The following PRKG1 variants were observed in gnomAD, a reference collection of about 807,000 sequenced individuals.
PRKG1 encodes the protein cGMP-dependent protein kinase 1.
In PRKG1, 35 loss-of-function variants were observed where a neutral mutation model predicts 88.1. The observed-to-expected ratio is 0.40, with a 90% CI of 0.30 to 0.53. The LOEUF is 0.53. PRKG1 is among the 20% of genes least tolerant of loss of function. PRKG1 has a pLI of 0.59. For synonymous variants in PRKG1, 303 were observed against 292.5 expected (o/e 1.04, Z -0.37); for missense variants, 540 against 839.8 (o/e 0.64, Z 4.41).
intron 2 of PRKG1, among the ~76,000 whole-genome samples, chr10:51,291,789 A>G (rs889313958): frequency 1.3e-5 from 2 of 152,122 alleles, no homozygotes; most frequent in African/African-American, 4.8e-5. Flanking sequence ...AAATGTTCAG[A>G]TGTGTTTAGA....
At chr10:52,013,783 G>A (rs993010804) in intron 5 of PRKG1, among the ~76,000 whole-genome samples, 2 of 152,196 alleles carry the variant, frequency 1.3e-5, no homozygotes, top group Non-Finnish European at 2.9e-5. Flanking sequence ...ATGTTAGTAA[G>A]ATAGCTATGG....
intron 6 of PRKG1, 29 bp from the exon 7 acceptor site, chr10:52,062,508 A>T (rs773120898): frequency 9.0e-6 from 13 of 1,447,202 alleles, no homozygotes; most frequent in Non-Finnish European, 8.5e-6. Context: ...TAAGCAGTGG[A>T]TCTAAACTTT....
At chr10:52,101,733 A>G (rs1245926962) in intron 7 of PRKG1, among the ~76,000 whole-genome samples, 1 of 152,226 alleles carries the variant, frequency 6.6e-6, no homozygotes, top group Non-Finnish European at 1.5e-5. Context: ...CCTAGCCAGT[A>G]GCTTCCAGAG....
intron 6 of PRKG1, among the ~76,000 whole-genome samples, chr10:52,056,264 T>C (rs1018115761): frequency 9.9e-5 from 15 of 152,200 alleles, no homozygotes; most frequent in African/African-American, 3.1e-4. Flanking sequence ...TCAGGGAAAA[T>C]TGAAAATCGC....
intron 10 of PRKG1, among the ~76,000 whole-genome samples, chr10:52,262,270 T>C (rs1841451195): frequency 6.6e-6 from 1 of 151,928 alleles, no homozygotes; most frequent in Non-Finnish European, 1.5e-5. Flanking sequence ...GTTTTTTTTG[T>C]TTGTTTGTTC....
intron 1 of PRKG1, among the ~76,000 whole-genome samples, chr10:51,137,131 T>C (rs1467234639): frequency 1.3e-5 from 2 of 152,070 alleles, no homozygotes; most frequent in Non-Finnish European, 2.9e-5. Flanking sequence ...CTGATCCGCC[T>C]GCCTCGGCCT....
chr10:51,683,631 G>A (rs1378642897), intron 3 of PRKG1, among the ~76,000 whole-genome samples: 1 of 152,110 alleles, frequency 6.6e-6, no homozygotes, highest in Non-Finnish European at 1.5e-5. Flanking sequence ...TGATGTTGAG[G>A]GCATGATCTG....
chr10:52,056,471 T>C (rs1846112534), intron 6 of PRKG1, among the ~76,000 whole-genome samples: 1 of 152,168 alleles, frequency 6.6e-6, no homozygotes, highest in South Asian at 2.1e-4. Flanking sequence ...TTGTAACCAG[T>C]TTCAGCTGAA....
intron 3 of PRKG1, among the ~76,000 whole-genome samples, chr10:51,628,871 A>G (rs1057212910): frequency 5.3e-5 from 8 of 151,072 alleles, no homozygotes; most frequent in Non-Finnish European, 7.4e-5. Flanking sequence ...AGGCAGGAGA[A>G]TGGCGTGAAC....
chr10:52,204,537 A>C (rs1839765091), intron 9 of PRKG1, among the ~76,000 whole-genome samples: 1 of 152,250 alleles, frequency 6.6e-6, no homozygotes, highest in Middle Eastern at 3.4e-3. Flanking sequence ...CCCCAAATTA[A>C]TACTTTTATA....
At chr10:51,153,557 GA>G (rs1013617344) in intron 2 of PRKG1, among the ~76,000 whole-genome samples, 2 of 151,882 alleles carry the variant, frequency 1.3e-5, no homozygotes, top group African/African-American at 4.8e-5. Context: ...TTCAGACATG[GA>G]AAAGTTAAAA....
intron 5 of PRKG1, among the ~76,000 whole-genome samples, chr10:52,008,950 A>G (rs1401301056): frequency 6.6e-6 from 1 of 152,178 alleles, no homozygotes; most frequent in Non-Finnish European, 1.5e-5. Flanking sequence ...CAATAAATGT[A>G]GAAAAGGCTT....
At chr10:52,125,586 C>A (rs1847912902) in intron 7 of PRKG1, 1 of 152,108 alleles carries the variant, frequency 6.6e-6, no homozygotes, top group Non-Finnish European at 1.5e-5. Flanking sequence ...AATTGGAACA[C>A]GTTTCTGTTT....
intron 2 of PRKG1, among the ~76,000 whole-genome samples, chr10:51,231,319 C>A (rs1838838441): frequency 6.6e-6 from 1 of 152,106 alleles, no homozygotes; most frequent in Non-Finnish European, 1.5e-5. Context: ...AGGTACTGAG[C>A]ACATTAAAAT....
chr10:51,535,077 A>C (rs565104519), intron 3 of PRKG1, among the ~76,000 whole-genome samples: 120 of 152,292 alleles, frequency 7.9e-4, no homozygotes, highest in Middle Eastern at 3.4e-3. Context: ...GTACTTTGGA[A>C]GTATGCCTTT....
chr10:52,201,528 T>C (rs182751576), intron 9 of PRKG1, among the ~76,000 whole-genome samples: 18 of 152,218 alleles, frequency 1.2e-4, no homozygotes, highest in Admixed American at 5.2e-4. Context: ...TTGATGTAGC[T>C]ACTGGGCTTT....
intron 9 of PRKG1, among the ~76,000 whole-genome samples, chr10:52,216,530 A>T (rs562236312): frequency 5.9e-5 from 9 of 152,198 alleles, no homozygotes; most frequent in African/African-American, 2.2e-4. Context: ...ATTAAAATGG[A>T]CATTACCTAT....
chr10:51,708,157 A>G (rs1841655483), intron 3 of PRKG1, among the ~76,000 whole-genome samples: 1 of 152,128 alleles, frequency 6.6e-6, no homozygotes, highest in African/African-American at 2.4e-5. Flanking sequence ...AGGTGCAAGT[A>G]GGTTAGGTTT....
At chr10:52,138,537 T>C (rs1837489394) in intron 8 of PRKG1, among the ~76,000 whole-genome samples, 1 of 152,054 alleles carries the variant, frequency 6.6e-6, no homozygotes, top group Non-Finnish European at 1.5e-5. Context: ...CTTGAGGCCC[T>C]TGTGGGACCC....
Sources: allele counts gnomAD v4.1 joint callset (sites outside exome capture counted in the v4.1 genomes callset), GRCh38; gene constraint gnomAD v4.1.1; transcripts MANE v1.5; gene names NCBI Gene and HGNC (gene_info 2026-07-23, HGNC 2026-07-21).